The following PRMT1 variants were observed in gnomAD, a reference collection of about 807,000 sequenced individuals.
PRMT1 encodes protein arginine methyltransferase 1.
PRMT1 carries 5 observed loss-of-function variants against 47.4 expected under a neutral mutation model. The ratio of observed to expected loss-of-function variants is 0.11; its 90% CI spans 0.06 to 0.22. The LOEUF is 0.22. Among genes scored for constraint, PRMT1 ranks in the 10% least tolerant of loss-of-function variants. PRMT1 has a pLI of 1.00. For synonymous variants in PRMT1, 227 were observed against 204.6 expected, an observed-to-expected ratio of 1.11 and a Z score of -0.94; for missense variants, 249 against 518.4, an observed-to-expected ratio of 0.48 and a Z score of 5.05.
In PRMT1 at chr19:49,688,011, A is replaced by G. The variant is rs1215205868; in HGVS notation, c.1033-151A>G. 8.2e-6 allele frequency: 6 copies of G among 732,852 alleles called. No individual in the cohort carries two copies. The allele number at this position is 732,852 out of a possible 1,614,324, so 45.4% of individuals were successfully genotyped here. Reference sequence around the variant, plus strand: ...TGCTGTCCCTTGGCAGGGTCAGGGCAGCTGCTAGGGTGGGACCAGCAGTTG... The same window carrying G: ...TGCTGTCCCTTGGCAGGGTCAGGGCGGCTGCTAGGGTGGGACCAGCAGTTG... On this transcript the variant is annotated intron_variant, in intron 10 of 10. Transcript: ENST00000454376. This position sits in a 1 kb window ranked among gnomAD's most constrained non-coding sequence, Gnocchi z 5.3.
At chr19:49,679,630 T>TG (rs1568484973) in intron 1 of PRMT1, 1 of 697,138 alleles carries the variant, frequency 1.4e-6, no homozygotes, top group Admixed American at 2.0e-5. Context: ...AGGGGCAGCG[T>TG]GGGGGTGGGC....
rs890215392 is a variant in PRMT1, at chr19:49,683,974, G to A, written c.460G>A (p.Glu154Lys). The change falls in exon 6 of 11, where the codon GAG becomes AAG. Residue 154 changes from glutamate (E) to lysine (K), a missense_variant. Physicochemically the swap from Glu to Lys is moderately conservative, Grantham distance 56 (BLOSUM62 1). This residue lies in a region of PRMT1 where 190 missense variants were observed against 456.7 expected (regional missense o/e 0.42). Coordinates refer to ENST00000454376, the MANE Select transcript of PRMT1 (RefSeq NM_001536.6). Reference protein sequence around the residue: ...GKVEEVELPVEKVDIIISEWM... With the variant: ...GKVEEVELPVKKVDIIISEWM... ...GGTGGAGGAGGTGGAGCTCCCAGTG[G>A]AGAAGGTGGACATCATCATCAGCGA... is the stretch of plus-strand genomic sequence containing the variant. 1 of 1,614,084 alleles carries A rather than the reference G, an allele frequency of 6.2e-7. No homozygotes were observed. The highest frequency in any genetic ancestry group is 8.5e-7 in the Non-Finnish European group (1 of 1,180,008).
intron 4 of PRMT1, 37 bp downstream of exon 4, chr19:49,682,102 A>C: frequency 6.2e-7 from 1 of 1,613,664 alleles, no homozygotes; most frequent in Non-Finnish European, 8.5e-7. Flanking sequence ...GCCGGGCCTG[A>C]GGGATGGAGG....
intron 1 of PRMT1, among the ~76,000 whole-genome samples, chr19:49,678,930 C>G (rs1427706844): frequency 6.7e-6 from 1 of 149,166 alleles, no homozygotes; most frequent in Non-Finnish European, 1.5e-5. Context: ...GTCACCCAGG[C>G]TGGAGTGCAA....
chr19:49,687,362 G>A (rs1321417528), intron 10 of PRMT1, among the ~76,000 whole-genome samples: 1 of 152,046 alleles, frequency 6.6e-6, no homozygotes, highest in African/African-American at 2.4e-5. Flanking sequence ...GAGTCGCCGG[G>A]AGTGGTCTGG....
At chr19:49,686,326 G>C in intron 9 of PRMT1, 83 bp downstream of exon 9, 1 of 1,477,706 alleles carries the variant, frequency 6.8e-7, no homozygotes, top group East Asian at 2.5e-5. Context: ...TGACAGAAAC[G>C]GGCAGAAGGA....
In PRMT1 at chr19:49,684,143, T is replaced by G; in HGVS notation, c.555+74T>G. The stretch of plus-strand genomic sequence containing the variant: ...TAGAAGACGAAAACCACGCTCAATT[T>G]TTCCCACAGACGGGACTTACTGTGG... On this transcript the variant is annotated intron_variant, in intron 6 of 10. Coordinates refer to ENST00000454376, the MANE Select transcript of PRMT1 (RefSeq NM_001536.6). The surrounding 1 kb of genome is among the most constrained non-coding windows in gnomAD (Gnocchi z 6.2). 1.0e-5 allele frequency: 16 copies of G among 1,583,166 alleles called. No individual in the cohort carries two copies. The highest frequency in any genetic ancestry group is 2.2e-5 in the East Asian group (1 of 44,576).
rs777351282 is a variant in PRMT1 at position 49,683,908 on chromosome 19, C to A, written c.413-19C>A. On this transcript the variant is annotated intron_variant, in intron 5 of 10. Transcript: ENST00000454376. Reference sequence around the variant, plus strand: ...CAGGCCTCCCGGGGGCTGACGTGGCCACCCTTGTCCGCCCGCAGTGGTGAC... The same window carrying A: ...CAGGCCTCCCGGGGGCTGACGTGGCAACCCTTGTCCGCCCGCAGTGGTGAC... 1 of 1,608,860 alleles carries A rather than the reference C, an allele frequency of 6.2e-7. No individual in the cohort carries two copies. Among genetic ancestry groups the A allele is most frequent in the South Asian group, 1.1e-5 (1 of 90,594 alleles).
intron 1 of PRMT1, chr19:49,678,394 G>C (rs1412044894): frequency 2.0e-5 from 3 of 152,416 alleles, no homozygotes; most frequent in Non-Finnish European, 2.9e-5. Context: ...TGTGGGGGAG[G>C]TTTCAGTCTT....
intron 5 of PRMT1, 92 bp from the exon 6 acceptor site, chr19:49,683,835 G>C: frequency 4.8e-6 from 7 of 1,454,856 alleles, no homozygotes; most frequent in Non-Finnish European, 6.6e-6. Context: ...TCTCTGAACT[G>C]AAGTGGGGTC....
rs1599946248 is a variant in PRMT1 at position 49,683,778 on chromosome 19, T to C, written c.413-149T>C. On this transcript the variant is annotated intron_variant, in intron 5 of 10. Transcript: ENST00000454376. ...CCTCAAAAATGTCCAGAACGATGTATGAATTTTAAAACTGTTAGAAGGGTT... is the reference window on the plus strand; with the variant it reads ...CCTCAAAAATGTCCAGAACGATGTACGAATTTTAAAACTGTTAGAAGGGTT... 4.8e-6 allele frequency: 4 copies of C among 839,064 alleles called. No homozygotes were observed. In the East Asian group the frequency reaches 1.1e-4, roughly 23 times the overall value. 52.0% of individuals were successfully genotyped at this position (839,064 alleles called of 1,614,324 possible).
rs190934163 is a variant in PRMT1 at position 49,687,522 on chromosome 19, C to T, written c.1033-640C>T. Reference sequence around the variant, plus strand: ...TGCCCCCTCCGCTCCCCGCCCCCCCCCAGGACGTTTGCCACCGTCTGTGGA... The same window carrying T: ...TGCCCCCTCCGCTCCCCGCCCCCCCTCAGGACGTTTGCCACCGTCTGTGGA... On this transcript the variant is annotated intron_variant, in intron 10 of 10. Transcript: ENST00000454376. Among the ~76,000 whole-genome samples, 200 of 151,880 alleles carry T rather than the reference C, an allele frequency of 1.3e-3. 3 individuals are homozygous for T. In the East Asian group the frequency reaches 0.019, roughly 15 times the overall value.
At chr19:49,676,379 G>C (rs2082039286), upstream of PRMT1, 1 of 152,236 alleles carries the variant, frequency 6.6e-6, no homozygotes, top group Admixed American at 6.5e-5. Flanking sequence ...AAGCTTCCCG[G>C]AGGAAGTGGT....
chr19:49,679,963 C>T, intron 2 of PRMT1, 38 bp downstream of exon 2: 1 of 1,564,212 alleles, frequency 6.4e-7, no homozygotes, highest in Non-Finnish European at 8.8e-7. Flanking sequence ...CCACCCTGAC[C>T]TCCACATCAA....
rs995454175 is a variant in PRMT1, at chr19:49,688,446, G to T, written c.*201G>T. 2 of 610,262 alleles carry T rather than the reference G, an allele frequency of 3.3e-6. No homozygotes were observed. Among genetic ancestry groups the T allele is most frequent in the Admixed American group, 2.8e-5 (1 of 35,274 alleles). 37.8% of individuals were successfully genotyped at this position (610,262 alleles called of 1,614,324 possible). A position where few individuals can be genotyped will look rare whatever the true frequency, so the allele number is the denominator to read the frequency against. ...ATTTACGCCAATAAATCCTCAGCTG[G>T]GGTCTGGCTTTGTTTCCTGGGGGCA... is the stretch of plus-strand genomic sequence containing the variant. On this transcript the variant is annotated 3_prime_UTR_variant, in exon 11 of 11. Coordinates refer to ENST00000454376, the MANE Select transcript of PRMT1 (RefSeq NM_001536.6). The surrounding 1 kb of genome is among the most constrained non-coding windows in gnomAD (Gnocchi z 5.3).
Position 49,688,047 on chromosome 19 carries a change from C to G in PRMT1, c.1033-115C>G, listed in dbSNP as rs541223338. ...TGGGACCAGCAGTTGGGGTCTGCAGCGTGGAGATGGGCAGGAAGCTGGAGC... is the reference window on the plus strand; with the variant it reads ...TGGGACCAGCAGTTGGGGTCTGCAGGGTGGAGATGGGCAGGAAGCTGGAGC... On this transcript the variant is annotated intron_variant, in intron 10 of 10. Coordinates refer to ENST00000454376, the MANE Select transcript of PRMT1 (RefSeq NM_001536.6). The surrounding 1 kb of genome is among the most constrained non-coding windows in gnomAD (Gnocchi z 5.3). 1 of 938,518 alleles carries G rather than the reference C, an allele frequency of 1.1e-6. No homozygotes were observed. The highest frequency in any genetic ancestry group is 1.6e-5 in the African/African-American group (1 of 61,980). The allele number at this position is 938,518 out of a possible 1,614,324, so 58.1% of individuals were successfully genotyped here.
In PRMT1 at chr19:49,686,141, C is replaced by A; in HGVS notation, c.808C>A (p.Pro270Thr). 2 of 1,614,086 alleles carry A rather than the reference C, an allele frequency of 1.2e-6. No individual in the cohort carries two copies. The highest frequency in any genetic ancestry group is 1.7e-6 in the Non-Finnish European group (2 of 1,179,960). The change falls in exon 9 of 11, where the codon CCG becomes ACG. Residue 270 changes from proline (P) to threonine (T), a missense_variant. By Grantham distance (38) the Pro-to-Thr change is conservative (BLOSUM62 -1). Transcript: ENST00000454376. ...VKVEDLTFTSPFCLQVKRNDY... is the reference protein window; with the variant it reads ...VKVEDLTFTSTFCLQVKRNDY... Reference sequence around the variant, plus strand: ...GGTGGAAGACCTGACCTTCACCTCCCCGTTCTGCCTGCAAGTGAAGCGGAA... The same window carrying A: ...GGTGGAAGACCTGACCTTCACCTCCACGTTCTGCCTGCAAGTGAAGCGGAA...
rs538666524 is a variant in PRMT1 at position 49,681,541 on chromosome 19, C to A, written c.193-369C>A. Among the ~76,000 whole-genome samples, 542 of 152,128 alleles carry A rather than the reference C, an allele frequency of 3.6e-3. 2 individuals are homozygous for A. The highest frequency in any genetic ancestry group is 6.8e-3 in the Middle Eastern group (2 of 294). On this transcript the variant is annotated intron_variant, in intron 3 of 10. Transcript: ENST00000454376. This position sits in a 1 kb window ranked among gnomAD's most constrained non-coding sequence, Gnocchi z 4.4. ...TCACCTGAGGTCAGGAGTTGAAGAC[C>A]AACCTGGGCAATATGGTGAAACCCC...
intron 10 of PRMT1, among the ~76,000 whole-genome samples, chr19:49,687,664 C>T (rs1170247486): frequency 1.3e-5 from 2 of 152,048 alleles, no homozygotes; most frequent in South Asian, 2.1e-4. Context: ...ACTCATGCAG[C>T]CCCCGGGACC....
Sources: allele counts gnomAD v4.1 joint callset (sites outside exome capture counted in the v4.1 genomes callset), GRCh38; gene constraint gnomAD v4.1.1; regional missense constraint gnomAD v4.1.1; non-coding constraint Gnocchi (gnomAD v3.1); transcripts MANE v1.5; gene names NCBI Gene and HGNC (gene_info 2026-07-23, HGNC 2026-07-21).